PTPRM: variants seen among roughly 807,000 people sequenced by gnomAD.
PTPRM encodes receptor-type tyrosine-protein phosphatase mu.
A neutral mutation model predicts 186.7 loss-of-function variants in PTPRM; 47 were observed. The observed-to-expected ratio is 0.25, with a 90% confidence interval of 0.20 to 0.32. The LOEUF (loss-of-function observed/expected upper bound fraction) is 0.32, where lower values mean the gene tolerates loss of function less well. Among genes scored for constraint, PTPRM ranks in the 10% least tolerant of loss-of-function variants. PTPRM has a pLI of 1.00. For synonymous variants in PTPRM, 668 were observed against 674.9 expected (o/e 0.99, Z 0.16); for missense variants, 1,494 against 1,865.0 (o/e 0.80, Z 3.66).
At chr18:8,344,456 A>G (rs1456102831) in intron 23 of PTPRM, among the ~76,000 whole-genome samples, 22 of 74,114 alleles carry the variant, frequency 3.0e-4, no homozygotes, top group African/African-American at 4.9e-4. Flanking sequence ...GTGTATATAT[A>G]TATATATATA....
chr18:7,774,353 A>C (rs2042480391), intron 2 of PTPRM, 82 bp downstream of exon 2: 9 of 1,515,962 alleles, frequency 5.9e-6, no homozygotes, highest in Non-Finnish European at 8.1e-6. Context: ...ATATTGGTTA[A>C]ATGAGTGACG....
rs1447909382 is a variant in PTPRM, at chr18:7,668,836, C to T, written c.73+100945C>T. 6.6e-6 allele frequency among the ~76,000 whole-genome samples: 1 copy of T among 152,148 alleles called. No individual in the cohort carries two copies. The highest frequency in any genetic ancestry group is 1.5e-5 in the Non-Finnish European group (1 of 68,032). On this transcript the variant is annotated intron_variant, in intron 1 of 32. Transcript: ENST00000580170. The surrounding 1 kb of genome is among the most constrained non-coding windows in gnomAD (Gnocchi z 4.7). ...AGCTGTTTTTATTTCTGCTTAGTCACCACCTTCTAGAATACTATATAATTT... is the reference window on the plus strand; with the variant it reads ...AGCTGTTTTTATTTCTGCTTAGTCATCACCTTCTAGAATACTATATAATTT...
intron 7 of PTPRM, among the ~76,000 whole-genome samples, chr18:8,055,020 G>A (rs536707301): frequency 6.6e-6 from 1 of 152,148 alleles, no homozygotes; most frequent in South Asian, 2.1e-4. Flanking sequence ...TACTTTGTAG[G>A]TGATGTGCTT....
chr18:8,120,492 C>CTTTTTTTTTTTTTTTTTTTTTTTTTTT (rs199835832), intron 13 of PTPRM, among the ~76,000 whole-genome samples: 1 of 136,586 alleles, frequency 7.3e-6, no homozygotes, highest in African/African-American at 2.7e-5. Context: ...TTCTTTCTTT[C>CTTTTTTTTTTTTTTTTTTTTTTTTTTT]TTTTTTTTTT....
Position 8,171,960 on chromosome 18 carries a change from G to A in PTPRM, c.2300+28181G>A, listed in dbSNP as rs181464019. Among the ~76,000 whole-genome samples, 13 of 152,210 alleles carry A rather than the reference G, an allele frequency of 8.5e-5. No individual in the cohort carries two copies. In the South Asian group the frequency reaches 1.0e-3, roughly 12 times the overall value. ...CATTTAACTTATTGAATACTGTGCC[G>A]AAAGTGAAAAACAGAATGGTTGTAT... On this transcript the variant is annotated intron_variant, in intron 14 of 32. Coordinates refer to ENST00000580170, the MANE Select transcript of PTPRM (RefSeq NM_001105244.2).
At chr18:8,346,507 T>C (rs951030979) in intron 23 of PTPRM, among the ~76,000 whole-genome samples, 1 of 152,180 alleles carries the variant, frequency 6.6e-6, no homozygotes, top group Non-Finnish European at 1.5e-5. Context: ...CATCATTATC[T>C]CCTTGGAGGC....
chr18:8,227,278 A>C (rs1276002472), intron 14 of PTPRM, among the ~76,000 whole-genome samples: 1 of 152,224 alleles, frequency 6.6e-6, no homozygotes, highest in African/African-American at 2.4e-5. Flanking sequence ...AAAAAGAGAC[A>C]TCCTTTTCTG....
At chr18:8,124,198 G>A (rs1046111010) in intron 13 of PTPRM, among the ~76,000 whole-genome samples, 19 of 152,150 alleles carry the variant, frequency 1.2e-4, no homozygotes, top group African/African-American at 4.1e-4. Context: ...GGATTAAAAT[G>A]ATGGTGTATC....
intron 17 of PTPRM, among the ~76,000 whole-genome samples, chr18:8,250,718 G>T (rs374670143): frequency 2.0e-5 from 3 of 151,502 alleles, no homozygotes; most frequent in Admixed American, 2.0e-4. Context: ...GAGCCCAGGA[G>T]TTTGGGGCTG....
chr18:8,125,791 C>T (rs931526373), intron 13 of PTPRM, among the ~76,000 whole-genome samples: 1 of 151,550 alleles, frequency 6.6e-6, no homozygotes, highest in African/African-American at 2.4e-5. Context: ...TCTCGCGATT[C>T]ACTGTTCATA....
At chr18:8,328,671 G>A (rs1432167089) in intron 22 of PTPRM, among the ~76,000 whole-genome samples, 1 of 152,206 alleles carries the variant, frequency 6.6e-6, no homozygotes, top group African/African-American at 2.4e-5. Context: ...CAGGCGAACA[G>A]TGACTCCATA....
rs76900259 is a variant in PTPRM, at chr18:8,349,460, G to A, written c.3054+5940G>A. ...ATTTAAGATTGATCTTTTGTGACCT[G>A]TGTAATTACAGTCTTAGCCTTTGAA... is the stretch of plus-strand genomic sequence containing the variant. On this transcript the variant is annotated intron_variant, in intron 23 of 32. Coordinates refer to ENST00000580170, the MANE Select transcript of PTPRM (RefSeq NM_001105244.2). Among the ~76,000 whole-genome samples, 184 of 152,284 alleles carry A rather than the reference G, an allele frequency of 1.2e-3. 2 individuals carry two copies. Among genetic ancestry groups the A allele is most frequent in the East Asian group, 8.9e-3 (46 of 5,180 alleles).
chr18:7,908,822 G>A (rs2050124289), intron 4 of PTPRM, among the ~76,000 whole-genome samples: 1 of 152,184 alleles, frequency 6.6e-6, no homozygotes, highest in African/African-American at 2.4e-5. Flanking sequence ...TACCTGAGCT[G>A]GAACTCAGCC....
chr18:7,797,709 G>A lies in PTPRM; in HGVS notation c.196+23438G>A, dbSNP rs192005775. Among the ~76,000 whole-genome samples, 10 of 151,952 alleles carry A rather than the reference G, an allele frequency of 6.6e-5. No homozygotes were observed. The East Asian group carries it at 1.9e-3, about 29-fold the overall frequency. ...AGGAGAATGTGCTGTGATGACAGCA[G>A]CAGCAGAATCCCTGGAACATCGAGT... On this transcript the variant is annotated intron_variant, in intron 2 of 32. Coordinates refer to ENST00000580170, the MANE Select transcript of PTPRM (RefSeq NM_001105244.2).
At chr18:8,076,417 T>C in intron 8 of PTPRM, 38 bp from the exon 9 acceptor site, 1 of 1,245,028 alleles carries the variant, frequency 8.0e-7, no homozygotes. Context: ...TTTAATTGTT[T>C]ATTACTTAAA....
chr18:7,688,988 T>A (rs534285812), intron 1 of PTPRM, among the ~76,000 whole-genome samples: 1 of 152,256 alleles, frequency 6.6e-6, no homozygotes, highest in South Asian at 2.1e-4. Flanking sequence ...GCTTTAAGAA[T>A]TTCAGGAGTT....
At chr18:8,379,092 C>T in intron 27 of PTPRM, 75 bp from the exon 28 acceptor site, 1 of 1,309,344 alleles carries the variant, frequency 7.6e-7, no homozygotes, top group Non-Finnish European at 1.0e-6. Context: ...AAGTTTGCAT[C>T]TTTCGAAAAC....
chr18:7,978,881 A>G (rs1230709003), intron 7 of PTPRM, among the ~76,000 whole-genome samples: 2 of 152,096 alleles, frequency 1.3e-5, no homozygotes, highest in East Asian at 3.8e-4. Context: ...AAACTCAGAC[A>G]TTTCTTTCCA....
At chr18:7,676,709 A>T (rs1294037638) in intron 1 of PTPRM, among the ~76,000 whole-genome samples, 1 of 151,036 alleles carries the variant, frequency 6.6e-6, no homozygotes, top group African/African-American at 2.4e-5. Context: ...GCGCACGCGC[A>T]TGGATTAGGT....
Sources: gnomAD v4.1 joint callset for allele counts (sites outside exome capture counted in the v4.1 genomes callset) on GRCh38, gnomAD v4.1.1 for gene constraint, Gnocchi (gnomAD v3.1) non-coding constraint, MANE v1.5 for transcripts, NCBI Gene and HGNC (gene_info 2026-07-23, HGNC 2026-07-21) for gene names.